Variants in ATP8B4 observed in about 807,000 individuals in gnomAD.
The protein encoded by ATP8B4 is ATPase phospholipid transporting 8B4 (putative).
In ATP8B4, 133 loss-of-function variants were observed where a neutral mutation model predicts 145.6. The ratio of observed to expected loss-of-function variants is 0.91; its 90% CI spans 0.79 to 1.05. The LOEUF is 1.05. ATP8B4 is among the 50% of genes least tolerant of loss of function. The probability of loss-of-function intolerance (pLI) is 0.00; values close to 1 mark genes in which losing one functional copy is unlikely to be tolerated. For synonymous variants in ATP8B4, 507 were observed against 492.9 expected, an observed-to-expected ratio of 1.03 and a Z score of -0.38; for missense variants, 1,458 against 1,425.2, an observed-to-expected ratio of 1.02 and a Z score of -0.37.
In ATP8B4 at chr15:49,897,458, C is replaced by T; in HGVS notation, c.2531G>A (p.Ser844Asn). 6.3e-7 allele frequency: 1 copy of T among 1,595,892 alleles called. No individual in the cohort carries two copies. The highest frequency in any genetic ancestry group is 8.5e-7 in the Non-Finnish European group (1 of 1,171,316). Reference sequence around the variant, plus strand: ...TCTAAACTGTGCAAATGAATAGTCGCTGGCTAAGACTGCTTGCAATCCTTC... The same window carrying T: ...TCTAAACTGTGCAAATGAATAGTCGTTGGCTAAGACTGCTTGCAATCCTTC... ...GQEGLQAVLA[S>N]DYSFAQFRYL... The change falls in exon 23 of 28, where the codon AGC (serine) becomes AAC (asparagine). Residue 844 changes from serine to asparagine, a missense_variant. Physicochemically the swap from Ser to Asn is conservative, Grantham distance 46 (BLOSUM62 1). Transcript: ENST00000284509.
intron 6 of ATP8B4, among the ~76,000 whole-genome samples, chr15:50,033,559 T>G (rs2050607952): frequency 6.6e-6 from 1 of 152,220 alleles, no homozygotes; most frequent in Non-Finnish European, 1.5e-5. Context: ...TATTTTTTAA[T>G]AATTTAACTT....
At chr15:50,167,109 CTATTT>C (rs1042181115) in intron 1 of ATP8B4, among the ~76,000 whole-genome samples, 3 of 152,114 alleles carry the variant, frequency 2.0e-5, no homozygotes, top group Non-Finnish European at 4.4e-5. Flanking sequence ...GTACTTTTTT[CTATTT>C]TGTCAACTAC....
intron 13 of ATP8B4, among the ~76,000 whole-genome samples, chr15:49,966,336 A>C (rs1179498268): frequency 6.6e-6 from 1 of 152,096 alleles, no homozygotes; most frequent in Admixed American, 6.5e-5. Flanking sequence ...AGCAGATCCC[A>C]CCCCCATGGA....
At chr15:49,978,866 G>A (rs1599582903) in intron 12 of ATP8B4, among the ~76,000 whole-genome samples, 1 of 135,234 alleles carries the variant, frequency 7.4e-6, no homozygotes. Context: ...CATAGACAGA[G>A]AGGCAAAAAG....
At chr15:50,168,009 T>A (rs1377129603) in intron 1 of ATP8B4, among the ~76,000 whole-genome samples, 1 of 151,822 alleles carries the variant, frequency 6.6e-6, no homozygotes, top group Non-Finnish European at 1.5e-5. Context: ...CTCAATTCCA[T>A]AGGAATAAAT....
chr15:49,977,823 G>T (rs1210641401), intron 12 of ATP8B4, among the ~76,000 whole-genome samples: 1 of 151,988 alleles, frequency 6.6e-6, no homozygotes, highest in African/African-American at 2.4e-5. Context: ...GATATTATTT[G>T]GAGAATAAAG....
chr15:50,163,701 G>A (rs1213162449), intron 1 of ATP8B4, among the ~76,000 whole-genome samples: 2 of 152,178 alleles, frequency 1.3e-5, no homozygotes, highest in Admixed American at 1.3e-4. Context: ...AGCCTTGCTT[G>A]TATCTTTCCT....
At chr15:50,157,619 T>C (rs902058311) in intron 1 of ATP8B4, among the ~76,000 whole-genome samples, 2 of 152,100 alleles carry the variant, frequency 1.3e-5, no homozygotes, top group Non-Finnish European at 2.9e-5. Flanking sequence ...CCATATAAAT[T>C]TTAGGATTTT....
intron 1 of ATP8B4, among the ~76,000 whole-genome samples, chr15:50,128,539 T>C (rs968914403): frequency 6.6e-6 from 1 of 152,168 alleles, no homozygotes; most frequent in African/African-American, 2.4e-5. Context: ...CCCACTTCCC[T>C]CTACTGTCAC....
At chr15:50,040,655 C>T (rs2051205866) in intron 5 of ATP8B4, among the ~76,000 whole-genome samples, 1 of 152,296 alleles carries the variant, frequency 6.6e-6, no homozygotes, top group Non-Finnish European at 1.5e-5. Flanking sequence ...CCAGTCAGCT[C>T]ATCCCCCAAA....
chr15:50,090,031 CATAAAAAGGAATGAGATCAT>C (rs1267606529), intron 2 of ATP8B4, among the ~76,000 whole-genome samples: 1 of 152,086 alleles, frequency 6.6e-6, no homozygotes, highest in Non-Finnish European at 1.5e-5. Context: ...ACTATGCAGC[CATAAAAAGGAATGAGATCAT>C]GTCCTGTGCA....
intron 6 of ATP8B4, among the ~76,000 whole-genome samples, chr15:50,020,556 A>T (rs113002163): frequency 1.9e-3 from 295 of 152,160 alleles, no homozygotes; most frequent in African/African-American, 6.9e-3. Context: ...TTTAAATTAT[A>T]TCTTCAGCCC....
rs769483384 is a variant in ATP8B4, at chr15:50,096,501, C to G, written c.28+10438G>C. Among the ~76,000 whole-genome samples the G allele has an allele frequency of 3.9e-5, 6 of 152,134 alleles. 1 individual carries two copies. Among genetic ancestry groups the G allele is most frequent in the Non-Finnish European group, 8.8e-5 (6 of 68,036 alleles). On this transcript the variant is annotated intron_variant, in intron 2 of 27. Transcript: ENST00000284509. ...TACTTCTATTTATATCTCTGCACTACGACTATGGGAGGAGATTTAAAAATA... is the reference window on the plus strand; with the variant it reads ...TACTTCTATTTATATCTCTGCACTAGGACTATGGGAGGAGATTTAAAAATA...
chr15:50,049,576 T>C (rs996305639), intron 3 of ATP8B4, among the ~76,000 whole-genome samples: 3 of 152,246 alleles, frequency 2.0e-5, no homozygotes, highest in Non-Finnish European at 2.9e-5. Context: ...GTTGACTCCA[T>C]GTCTTTGCTA....
chr15:49,973,563 G>A (rs1045533351), intron 12 of ATP8B4, among the ~76,000 whole-genome samples: 18 of 152,156 alleles, frequency 1.2e-4, no homozygotes, highest in Non-Finnish European at 2.1e-4. Context: ...AACAGGATGT[G>A]TTGTCATACC....
At position 49,987,483 on chromosome 15, in the gene ATP8B4, T is replaced by G. The variant is rs1567149452; in HGVS notation, c.656A>C (p.Asp219Ala). The change falls in exon 10 of 28, where the codon GAC (aspartate) becomes GCC (alanine). Residue 219 changes from aspartate (D) to alanine (A), a missense_variant. Coordinates refer to ENST00000284509, the MANE Select transcript of ATP8B4 (RefSeq NM_024837.4). ...CTCATTGTTGAGGGAATGCTTGCTG[T>G]CTTTCCAAGAAAGGATTCCCATGAA... ...DKFMGILSWK[D>A]SKHSLNNEKI... The G allele has an allele frequency of 6.2e-7, 1 of 1,613,748 alleles. No individual in the cohort carries two copies. Among genetic ancestry groups the G allele is most frequent in the Non-Finnish European group, 8.5e-7 (1 of 1,179,698 alleles).
intron 1 of ATP8B4, among the ~76,000 whole-genome samples, chr15:50,158,784 C>T (rs553589035): frequency 6.6e-6 from 1 of 152,286 alleles, no homozygotes; most frequent in South Asian, 2.1e-4. Context: ...GCCTTGGGAC[C>T]CTGTTGATCT....
At chr15:49,996,296 C>A (rs567732983) in intron 9 of ATP8B4, among the ~76,000 whole-genome samples, 9 of 152,116 alleles carry the variant, frequency 5.9e-5, no homozygotes, top group Non-Finnish European at 8.8e-5. Flanking sequence ...CCTAGTTAGT[C>A]TTTGTTATGG....
chr15:49,912,904 G>A (rs1229861749), intron 20 of ATP8B4, among the ~76,000 whole-genome samples: 2 of 152,050 alleles, frequency 1.3e-5, no homozygotes, highest in Non-Finnish European at 1.5e-5. Flanking sequence ...GAGGCAGGCA[G>A]ATCATTTGAG....
Sources: gnomAD v4.1 joint callset for allele counts (sites outside exome capture counted in the v4.1 genomes callset) on GRCh38, gnomAD v4.1.1 for gene constraint, MANE v1.5 for transcripts, NCBI Gene and HGNC (gene_info 2026-07-23, HGNC 2026-07-21) for gene names.